The following CSMD3 variants were observed in gnomAD, a reference collection of about 807,000 sequenced individuals.
The protein encoded by CSMD3 is CUB and sushi domain-containing protein 3.
Under a neutral mutation model 435.2 loss-of-function variants are expected in CSMD3, and 177 were observed. The observed-to-expected ratio is 0.41, with a 90% CI of 0.36 to 0.46. CSMD3 has a LOEUF of 0.46. Ranked by LOEUF, CSMD3 falls within the 20% of genes least tolerant of loss-of-function variation. The probability of loss-of-function intolerance (pLI) is 0.34; values close to 1 mark genes in which losing one functional copy is unlikely to be tolerated. For synonymous variants in CSMD3, 1,656 were observed against 1,520.5 expected, an observed-to-expected ratio of 1.09 and a Z score of -2.07; for missense variants, 4,265 against 4,504.6, an observed-to-expected ratio of 0.95 and a Z score of 1.52.
At chr8:112,590,435 A>G (rs960310032) in intron 22 of CSMD3, among the ~76,000 whole-genome samples, 3 of 151,638 alleles carry the variant, frequency 2.0e-5, no homozygotes, top group African/African-American at 7.3e-5. Context: ...ATCTAAAAAC[A>G]TTATTGGAGG....
intron 4 of CSMD3, among the ~76,000 whole-genome samples, chr8:113,119,623 T>C (rs1251239706): frequency 6.6e-6 from 1 of 152,168 alleles, no homozygotes; most frequent in Non-Finnish European, 1.5e-5. Flanking sequence ...AGAAAGTCCT[T>C]CCTGACTAGG....
intron 13 of CSMD3, among the ~76,000 whole-genome samples, chr8:112,748,197 G>A (rs565772650): frequency 3.0e-4 from 46 of 152,172 alleles, no homozygotes; most frequent in Non-Finnish European, 1.8e-4. Context: ...TGAGGAGAGA[G>A]AAGCTAAGTA....
intron 13 of CSMD3, among the ~76,000 whole-genome samples, chr8:112,767,960 A>T (rs895811514): frequency 6.6e-6 from 1 of 151,764 alleles, no homozygotes; most frequent in African/African-American, 2.4e-5. Flanking sequence ...AAACAAGAAT[A>T]TTAATCTCTG....
rs538939039 is a variant in CSMD3 at position 112,595,028 on chromosome 8, G to A, written c.3716-7793C>T. Among the ~76,000 whole-genome samples, 49 of 152,240 alleles carry A rather than the reference G, an allele frequency of 3.2e-4. No individual in the cohort carries two copies. The East Asian group carries it at 6.6e-3, about 20-fold the overall frequency. ...AAGCTGAATGGAGAATGACTTTGACGAGCTGAGAGAAGAAGGCTTCAGATG... is the reference window on the plus strand; with the variant it reads ...AAGCTGAATGGAGAATGACTTTGACAAGCTGAGAGAAGAAGGCTTCAGATG... On this transcript the variant is annotated intron_variant, in intron 22 of 70. Transcript: ENST00000297405.
At chr8:112,416,458 G>T (rs1811923324) in intron 32 of CSMD3, among the ~76,000 whole-genome samples, 1 of 152,168 alleles carries the variant, frequency 6.6e-6, no homozygotes, top group Non-Finnish European at 1.5e-5. Flanking sequence ...AGTAGCATGA[G>T]AATGGACCAA....
intron 5 of CSMD3, among the ~76,000 whole-genome samples, chr8:113,083,262 A>G (rs910537237): frequency 6.6e-6 from 1 of 152,194 alleles, no homozygotes; most frequent in African/African-American, 2.4e-5. Context: ...GTCAAGTCAC[A>G]TATAAGGGAA....
At chr8:112,777,402 T>C (rs1317553174) in intron 13 of CSMD3, among the ~76,000 whole-genome samples, 2 of 151,886 alleles carry the variant, frequency 1.3e-5, no homozygotes, top group African/African-American at 4.8e-5. Context: ...CTATTTAATG[T>C]ATCTAACAGC....
intron 6 of CSMD3, among the ~76,000 whole-genome samples, chr8:112,988,978 C>T (rs1036220192): frequency 6.6e-5 from 10 of 152,010 alleles, no homozygotes; most frequent in African/African-American, 2.2e-4. Context: ...CACGTATTCA[C>T]TCAACAAGTA....
chr8:112,740,201 TA>T (rs1563913819), intron 13 of CSMD3, among the ~76,000 whole-genome samples: 2 of 151,866 alleles, frequency 1.3e-5, no homozygotes, highest in Non-Finnish European at 2.9e-5. Context: ...AAAAAAATTT[TA>T]AAATATTTAT....
chr8:112,559,024 A>G (rs1266696085), intron 24 of CSMD3, among the ~76,000 whole-genome samples: 1 of 151,864 alleles, frequency 6.6e-6, no homozygotes, highest in African/African-American at 2.4e-5. Context: ...GAGGCTTCCC[A>G]CGTGTTGTCA....
intron 1 of CSMD3, among the ~76,000 whole-genome samples, chr8:113,361,933 G>A (rs886326666): frequency 2.6e-5 from 4 of 152,072 alleles, no homozygotes; most frequent in Non-Finnish European, 4.4e-5. Flanking sequence ...GCATGAACAT[G>A]TCTATTAAGG....
intron 10 of CSMD3, among the ~76,000 whole-genome samples, chr8:112,920,938 C>T (rs930691106): frequency 1.3e-5 from 2 of 149,684 alleles, no homozygotes; most frequent in African/African-American, 4.9e-5. Context: ...CACACACACA[C>T]ACGCACATAT....
chr8:112,243,950 G>T (rs930616789), intron 65 of CSMD3, among the ~76,000 whole-genome samples: 5 of 152,152 alleles, frequency 3.3e-5, no homozygotes, highest in South Asian at 4.2e-4. Context: ...GAATACCCAG[G>T]GTTGTCAGAA....
At chr8:112,232,827 G>C (rs528813016) in intron 68 of CSMD3, among the ~76,000 whole-genome samples, 6 of 152,156 alleles carry the variant, frequency 3.9e-5, no homozygotes, top group African/African-American at 1.4e-4. Context: ...GAGAGTTTTG[G>C]ACTTCTGACA....
chr8:112,564,102 C>A (rs1828870436), intron 24 of CSMD3, among the ~76,000 whole-genome samples: 1 of 151,360 alleles, frequency 6.6e-6, no homozygotes, highest in Admixed American at 6.6e-5. Flanking sequence ...CTTCCCTCTA[C>A]TGTGAAATTG....
intron 4 of CSMD3, among the ~76,000 whole-genome samples, chr8:113,140,492 G>A (rs28515904): frequency 0.68 from 102,563 of 150,514 alleles, 36,757 homozygotes; most frequent in East Asian, 0.95. Flanking sequence ...ATATGCCAAG[G>A]TAGATCATAT....
At chr8:112,751,159 G>C (rs1323776067) in intron 13 of CSMD3, among the ~76,000 whole-genome samples, 1 of 151,856 alleles carries the variant, frequency 6.6e-6, no homozygotes, top group East Asian at 1.9e-4. Context: ...ATCCTCCCCA[G>C]CCCTGCAGAA....
chr8:112,349,267 TTTTG>T (rs1825933525), intron 40 of CSMD3, among the ~76,000 whole-genome samples: 1 of 152,112 alleles, frequency 6.6e-6, no homozygotes, highest in East Asian at 1.9e-4. Context: ...AAAATTCAAA[TTTTG>T]TTTGTTTCAG....
At chr8:112,822,191 T>C (rs2079548428) in intron 12 of CSMD3, among the ~76,000 whole-genome samples, 1 of 152,188 alleles carries the variant, frequency 6.6e-6, no homozygotes, top group Non-Finnish European at 1.5e-5. Context: ...GTGAATAATG[T>C]CAATGGTAGT....
Sources: gnomAD v4.1 joint callset for allele counts (sites outside exome capture counted in the v4.1 genomes callset) on GRCh38, gnomAD v4.1.1 for gene constraint, MANE v1.5 for transcripts, NCBI Gene and HGNC (gene_info 2026-07-23, HGNC 2026-07-21) for gene names.